RTTN: variants seen among roughly 807,000 people sequenced by gnomAD.
RTTN encodes the protein rotatin.
Under a neutral mutation model 269.2 loss-of-function variants are expected in RTTN, and 182 were observed. That is an observed-to-expected ratio of 0.68 (90% CI 0.60 to 0.76). The LOEUF is 0.76. Ranked by LOEUF, RTTN falls within the 30% of genes least tolerant of loss-of-function variation. The pLI is 0.00. For missense variants in RTTN, 2,545 were observed against 2,608.6 expected (o/e 0.98, Z 0.53); for synonymous variants, 1,006 against 963.5 (o/e 1.04, Z -0.82).
intron 32 of RTTN, among the ~76,000 whole-genome samples, chr18:70,083,002 C>T (rs937448926): frequency 6.6e-6 from 1 of 152,132 alleles, no homozygotes; most frequent in Non-Finnish European, 1.5e-5. Flanking sequence ...TGGGATGTAG[C>T]TTTGAATGAG....
chr18:70,142,419 T>C (rs755125627), intron 18 of RTTN, 32 bp from the exon 19 acceptor site: 94 of 1,118,716 alleles, frequency 8.4e-5, no homozygotes, highest in Non-Finnish European at 1.2e-4. Flanking sequence ...AAACCAAAAT[T>C]ACATTTATCT....
intron 23 of RTTN, among the ~76,000 whole-genome samples, chr18:70,133,930 G>C (rs968921657): frequency 6.6e-6 from 1 of 152,044 alleles, no homozygotes; most frequent in African/African-American, 2.4e-5. Flanking sequence ...ACCTTAACTG[G>C]TTATTGCATT....
intron 30 of RTTN, 45 bp downstream of exon 30, chr18:70,092,065 T>C (rs1246372819): frequency 7.4e-7 from 1 of 1,344,734 alleles, no homozygotes; most frequent in Admixed American, 1.7e-5. Flanking sequence ...GTGTCATTTG[T>C]TTTTTAATCT....
intron 19 of RTTN, 80 bp from the exon 20 acceptor site, chr18:70,140,268 A>T: frequency 1.3e-6 from 1 of 749,330 alleles, no homozygotes; most frequent in South Asian, 1.6e-5. Flanking sequence ...CTCAGAACTG[A>T]TATCCACACA....
At position 70,057,747 on chromosome 18, in the gene RTTN, C is replaced by T. The variant is rs981411269; in HGVS notation, c.5026G>A (p.Ala1676Thr). Residue 1676 changes from alanine to threonine, a missense_variant, in exon 37 of 49, where the codon GCT (alanine) becomes ACT (threonine). Coordinates refer to ENST00000640769, the MANE Select transcript of RTTN (RefSeq NM_173630.4). ...AACAGACTTGAGATGCTTACCTGAGCCTGAGTGTGTTCAGCTGGAGGTGAT... is the reference window on the plus strand; with the variant it reads ...AACAGACTTGAGATGCTTACCTGAGTCTGAGTGTGTTCAGCTGGAGGTGAT... ...PSSPPAEHTQ[A>T]QVSFLLEYLS... The T allele has an allele frequency of 1.2e-6, 2 of 1,613,022 alleles. No homozygotes were observed. The highest frequency in any genetic ancestry group is 2.2e-5 in the South Asian group (2 of 90,994).
At position 70,199,813 on chromosome 18, in the gene RTTN, C is replaced by T. The variant is rs370057705; in HGVS notation, c.488-309G>A. Among the ~76,000 whole-genome samples the T allele has an allele frequency of 2.6e-4, 39 of 152,312 alleles. 1 individual carries two copies. The highest frequency in any genetic ancestry group is 9.4e-4 in the African/African-American group (39 of 41,570). ...TTAAATTTTCTATTTTACCCTGTGG[C>T]TGACCAGAACATCAAACTTAAATTC... On this transcript the variant is annotated intron_variant, in intron 4 of 48. Transcript: ENST00000640769.
intron 10 of RTTN, among the ~76,000 whole-genome samples, chr18:70,187,207 A>G (rs1404822753): frequency 6.6e-6 from 1 of 152,198 alleles, no homozygotes; most frequent in African/African-American, 2.4e-5. Flanking sequence ...AGAAAATCTC[A>G]CGTATAGATA....
chr18:70,091,061 C>T (rs745675737), intron 30 of RTTN, among the ~76,000 whole-genome samples: 16 of 152,146 alleles, frequency 1.1e-4, no homozygotes, highest in Admixed American at 2.0e-4. Flanking sequence ...TTCACAGGTT[C>T]ACACCTGCAG....
intron 28 of RTTN, among the ~76,000 whole-genome samples, chr18:70,103,431 G>A (rs2059231410): frequency 6.6e-6 from 1 of 152,140 alleles, no homozygotes; most frequent in African/African-American, 2.4e-5. Context: ...TTTCTGCCTT[G>A]GGATGCTGTT....
chr18:70,175,930 G>A (rs1472731768), intron 11 of RTTN, among the ~76,000 whole-genome samples: 2 of 152,174 alleles, frequency 1.3e-5, no homozygotes, highest in South Asian at 2.1e-4. Flanking sequence ...CTGACAACAC[G>A]TACCTAGCTG....
intron 10 of RTTN, among the ~76,000 whole-genome samples, chr18:70,180,002 A>C (rs1441728384): frequency 6.6e-6 from 1 of 151,818 alleles, no homozygotes; most frequent in East Asian, 1.9e-4. Context: ...TTTGCACCTC[A>C]CATTTCATGG....
At chr18:70,172,404 T>C (rs1379786361) in intron 11 of RTTN, among the ~76,000 whole-genome samples, 1 of 152,188 alleles carries the variant, frequency 6.6e-6, no homozygotes, top group Non-Finnish European at 1.5e-5. Context: ...ACTTCAATTA[T>C]TAGTGGGCTA....
rs963446516 is a variant in RTTN, at chr18:70,139,694, G to C, written c.2693C>G (p.Pro898Arg). Residue 898 changes from proline (P) to arginine (R), a missense_variant, in exon 21 of 49, where the codon CCA becomes CGA. By Grantham distance (103) the Pro-to-Arg change is moderately radical. Coordinates refer to ENST00000640769, the MANE Select transcript of RTTN (RefSeq NM_173630.4). ...DGKVVECLVQPCLTLLRKVLC... is the reference protein window; with the variant it reads ...DGKVVECLVQRCLTLLRKVLC... ...AACCTTCCTCAAGAGTGTGAGGCAT[G>C]GTTGTACCAAACATTCTACAACCTG... The C allele has an allele frequency of 1.2e-6, 2 of 1,611,874 alleles. No individual in the cohort carries two copies. The highest frequency in any genetic ancestry group is 2.7e-5 in the African/African-American group (2 of 74,818).
At position 70,017,657 on chromosome 18, in the gene RTTN, G is replaced by T. The variant is rs776919275; in HGVS notation, c.6171C>A (p.Asn2057Lys). ...CTTTTGGCAATGCTAGAGAGAGGAA[G>T]TTCTGTAAGAAGTTACTCTGTGGAT... is the stretch of plus-strand genomic sequence containing the variant. The part of the protein sequence containing the change: ...GVIQKSNFLQ[N>K]FLSLALPKGG... The change falls in exon 46 of 49, where the codon AAC becomes AAA. Residue 2057 changes from asparagine to lysine, a missense_variant. By Grantham distance (94) the Asn-to-Lys change is moderately conservative. Transcript: ENST00000640769. 3.1e-6 allele frequency: 5 copies of T among 1,611,366 alleles called. No individual in the cohort carries two copies. The highest frequency in any genetic ancestry group is 2.2e-5 in the East Asian group (1 of 44,818).
rs750911976 is a variant in RTTN, at chr18:70,029,993, A to G, written c.5745+19T>C. ...GAATGGTCTCTATATATAGCCATTCATTTATCCCAGAATGTTACCTTTTTT... is the reference window on the plus strand; with the variant it reads ...GAATGGTCTCTATATATAGCCATTCGTTTATCCCAGAATGTTACCTTTTTT... On this transcript the variant is annotated intron_variant, in intron 42 of 48. Transcript: ENST00000640769. The G allele has an allele frequency of 1.2e-5, 19 of 1,576,926 alleles. No individual in the cohort carries two copies. Among genetic ancestry groups the G allele is most frequent in the African/African-American group, 2.7e-5 (2 of 74,128 alleles).
chr18:70,169,337 A>G (rs1028397538), intron 11 of RTTN, among the ~76,000 whole-genome samples: 3 of 152,100 alleles, frequency 2.0e-5, no homozygotes, highest in African/African-American at 7.2e-5. Context: ...TCCCCAAACC[A>G]ACTTCTTCTC....
intron 14 of RTTN, among the ~76,000 whole-genome samples, chr18:70,161,300 A>G (rs2060823069): frequency 2.0e-5 from 3 of 152,196 alleles, no homozygotes; most frequent in African/African-American, 7.2e-5. Context: ...GCGTATTCAA[A>G]AGATTGAAAC....
At chr18:70,105,273 C>G (rs1004220230) in intron 28 of RTTN, among the ~76,000 whole-genome samples, 11 of 152,222 alleles carry the variant, frequency 7.2e-5, no homozygotes, top group East Asian at 5.8e-4. Flanking sequence ...GAGCGAGGCT[C>G]TATAGGCGTG....
chr18:70,093,576 C>G (rs978508563), intron 28 of RTTN, among the ~76,000 whole-genome samples: 2 of 152,084 alleles, frequency 1.3e-5, no homozygotes, highest in African/African-American at 4.8e-5. Flanking sequence ...GTTTTTCTCA[C>G]TGGTTCTGTT....
Sources: allele counts gnomAD v4.1 joint callset (sites outside exome capture counted in the v4.1 genomes callset), GRCh38; gene constraint gnomAD v4.1.1; transcripts MANE v1.5; gene names NCBI Gene and HGNC (gene_info 2026-07-23, HGNC 2026-07-21).